CACNB4: variants seen among roughly 807,000 people sequenced by gnomAD.
The protein encoded by CACNB4 is calcium voltage-gated channel auxiliary subunit beta 4, also known as voltage-dependent L-type calcium channel subunit beta-4.
Under a neutral mutation model 71.2 loss-of-function variants are expected in CACNB4, and 32 were observed. The ratio of observed to expected loss-of-function variants is 0.45; its 90% confidence interval spans 0.34 to 0.60. The LOEUF (loss-of-function observed/expected upper bound fraction) is 0.60. Among genes scored for constraint, CACNB4 ranks in the 20% least tolerant of loss-of-function variants. CACNB4 has a pLI of 0.01. For missense variants in CACNB4, 464 were observed against 647.9 expected (o/e 0.72, Z 3.08); for synonymous variants, 231 against 236.9 (o/e 0.97, Z 0.23).
At chr2:151,971,734 A>G in intron 2 of CACNB4, 1 of 644,330 alleles carries the variant, frequency 1.6e-6, no homozygotes, top group Admixed American at 2.2e-5. Flanking sequence ...TCAAATGAGC[A>G]TTCAGAGTCA....
chr2:151,860,883 T>G, intron 9 of CACNB4, 63 bp from the exon 10 acceptor site: 1 of 1,046,782 alleles, frequency 9.6e-7, no homozygotes, highest in Non-Finnish European at 1.5e-6. Flanking sequence ...TCCAAGTGAT[T>G]TATAACCACA....
At chr2:151,999,279 A>G (rs62176803) in intron 2 of CACNB4, among the ~76,000 whole-genome samples, 3,035 of 151,788 alleles carry the variant, frequency 0.02, 37 homozygotes, top group Middle Eastern at 0.031. Flanking sequence ...ATCTTTTAAA[A>G]TCCAGTCCCC....
At chr2:151,891,190 A>T (rs1321753322) in intron 2 of CACNB4, among the ~76,000 whole-genome samples, 1 of 152,174 alleles carries the variant, frequency 6.6e-6, no homozygotes, top group East Asian at 1.9e-4. Context: ...AGTTTTTGCT[A>T]TAATTGCCCT....
chr2:151,937,617 A>G (rs2099863237), intron 2 of CACNB4, among the ~76,000 whole-genome samples: 1 of 152,310 alleles, frequency 6.6e-6, no homozygotes, highest in African/African-American at 2.4e-5. Flanking sequence ...TCACATCTAC[A>G]TCTACAATCT....
rs955137483 is a variant in CACNB4, at chr2:151,833,365, A to G, written c.*5754T>C. 2.6e-5 allele frequency: 4 copies of G among 152,068 alleles called. No homozygotes were observed. The highest frequency in any genetic ancestry group is 9.7e-5 in the African/African-American group (4 of 41,416). The allele number at this position is 152,068 out of a possible 1,614,324, so 9.4% of individuals were successfully genotyped here. A position where few individuals can be genotyped will look rare whatever the true frequency, so the allele number is the denominator to read the frequency against. Reference sequence around the variant, plus strand: ...AATTAAAGAATCCCTAACTAATATAATTTTTTGTGGTTGGGACATCTTTAT... The same window carrying G: ...AATTAAAGAATCCCTAACTAATATAGTTTTTTGTGGTTGGGACATCTTTAT... On this transcript the variant is annotated 3_prime_UTR_variant, in exon 14 of 14. Coordinates refer to ENST00000539935, the MANE Select transcript of CACNB4 (RefSeq NM_000726.5).
intron 2 of CACNB4, among the ~76,000 whole-genome samples, chr2:151,986,845 T>C (rs957628545): frequency 1.3e-5 from 2 of 151,954 alleles, no homozygotes; most frequent in African/African-American, 4.8e-5. Context: ...CTTACTGGGG[T>C]TGGGGGGAGT....
intron 9 of CACNB4, among the ~76,000 whole-genome samples, chr2:151,864,222 TAA>T: frequency 6.6e-6 from 1 of 152,286 alleles, no homozygotes; most frequent in Non-Finnish European, 1.5e-5. Flanking sequence ...GGCCAGTAGG[TAA>T]AAGACTAATA....
chr2:152,043,152 A>G (rs1684964650), intron 2 of CACNB4, among the ~76,000 whole-genome samples: 1 of 152,234 alleles, frequency 6.6e-6, no homozygotes, highest in Non-Finnish European at 1.5e-5. Flanking sequence ...TCAGCATGTA[A>G]TCAAGAAGTA....
intron 2 of CACNB4, chr2:151,971,504 C>T (rs1353282368): frequency 1.4e-6 from 1 of 702,710 alleles, no homozygotes; most frequent in Admixed American, 2.0e-5. Flanking sequence ...CAGACCTGTT[C>T]CGAGAGCTCT....
At chr2:151,909,351 G>C (rs2099855602) in intron 2 of CACNB4, among the ~76,000 whole-genome samples, 1 of 150,948 alleles carries the variant, frequency 6.6e-6, no homozygotes. Context: ...AGGGAGAATT[G>C]CTTGAACCCG....
intron 2 of CACNB4, among the ~76,000 whole-genome samples, chr2:151,920,180 C>T (rs1403390672): frequency 1.3e-5 from 2 of 152,040 alleles, no homozygotes; most frequent in Non-Finnish European, 2.9e-5. Context: ...AGGAATAGAA[C>T]AATTTCTATT....
Position 152,061,738 on chromosome 2 carries a change from G to A in CACNB4, c.147+36592C>T, listed in dbSNP as rs541526385. Among the ~76,000 whole-genome samples the A allele has an allele frequency of 3.3e-5, 5 of 152,082 alleles. No homozygotes were observed. In the South Asian group the frequency reaches 8.3e-4, roughly 25 times the overall value. ...TGTAAATAATGATTAGGGGCCAGGT[G>A]CAGTGGCTCACACCTGTAATCCCAG... On this transcript the variant is annotated intron_variant, in intron 2 of 13. Coordinates refer to ENST00000539935, the MANE Select transcript of CACNB4 (RefSeq NM_000726.5).
intron 2 of CACNB4, among the ~76,000 whole-genome samples, chr2:152,054,542 G>A (rs979214673): frequency 1.3e-5 from 2 of 152,012 alleles, no homozygotes; most frequent in Admixed American, 6.6e-5. Context: ...AAACATTCTT[G>A]TATAGGCTTT....
In CACNB4 at chr2:151,841,961, C is replaced by T. The variant is rs1424135298; in HGVS notation, c.1244G>A (p.Gly415Glu). The change falls in exon 13 of 14, where the codon GGA (glycine) becomes GAA (glutamate). Residue 415 changes from glycine (G) to glutamate (E), a missense_variant. Transcript: ENST00000539935. ...TSSTPMTPLL[G>E]RNLGSTALSP... ...GAGTGCCGTGGAGCCCAAATTCCTT[C>T]CCAGCAGCGGGGTCATGGGTGTGCT... 6.2e-7 allele frequency: 1 copy of T among 1,613,752 alleles called. No homozygotes were observed. Among genetic ancestry groups the T allele is most frequent in the African/African-American group, 1.3e-5 (1 of 74,896 alleles).
chr2:151,875,003 C>T, intron 5 of CACNB4: 2 of 403,044 alleles, frequency 5.0e-6, no homozygotes, highest in Non-Finnish European at 8.7e-6. Context: ...AGTGCCGGGA[C>T]CTGCACATAC....
chr2:151,883,871 C>T (rs930572904), intron 2 of CACNB4: 8 of 210,194 alleles, frequency 3.8e-5, no homozygotes, highest in African/African-American at 1.7e-4. Flanking sequence ...CACTATTGAA[C>T]TCTTTCACTA....
intron 2 of CACNB4, among the ~76,000 whole-genome samples, chr2:151,949,711 G>A (rs1480540710): frequency 6.6e-6 from 1 of 152,098 alleles, no homozygotes; most frequent in Non-Finnish European, 1.5e-5. Flanking sequence ...ACTACTGAAG[G>A]GTTTCATATA....
intron 2 of CACNB4, among the ~76,000 whole-genome samples, chr2:151,917,878 G>A (rs1285387524): frequency 6.7e-6 from 1 of 149,250 alleles, no homozygotes; most frequent in Non-Finnish European, 1.5e-5. Context: ...GAACACTGTA[G>A]TTTACCCCTA....
chr2:152,077,048 A>G (rs1353972948), intron 2 of CACNB4, among the ~76,000 whole-genome samples: 3 of 152,232 alleles, frequency 2.0e-5, no homozygotes, highest in Non-Finnish European at 4.4e-5. Flanking sequence ...CCAGCCATCT[A>G]GAGAGCTCAG....
Sources: gnomAD v4.1 joint callset for allele counts (sites outside exome capture counted in the v4.1 genomes callset) on GRCh38, gnomAD v4.1.1 for gene constraint, MANE v1.5 for transcripts, NCBI Gene and HGNC (gene_info 2026-07-23, HGNC 2026-07-21) for gene names.